Variants in POLR3F observed in about 807,000 individuals in gnomAD.
POLR3F encodes DNA-directed RNA polymerase III subunit RPC6.
A neutral mutation model predicts 43.6 loss-of-function variants in POLR3F; 31 were observed. That is an observed-to-expected ratio of 0.71 (90% confidence interval 0.53 to 0.96). The LOEUF is 0.96. Ranked by LOEUF, POLR3F falls within the 40% of genes least tolerant of loss-of-function variation. POLR3F has a pLI of 0.00. For missense variants in POLR3F, 316 were observed against 391.7 expected (o/e 0.81, Z 1.63); for synonymous variants, 114 against 132.5 (o/e 0.86, Z 0.96).
Position 18,475,082 on chromosome 20 carries a change from G to A in POLR3F, c.324G>A (p.Trp108Ter). 7.5e-7 allele frequency: 1 copy of A among 1,328,718 alleles called. No individual in the cohort carries two copies. The highest frequency in any genetic ancestry group is 2.0e-4 in the Middle Eastern group (1 of 5,002). The allele number at this position is 1,328,718 out of a possible 1,614,324, so 82.3% of individuals were successfully genotyped here. ...IIEDAGNKGI[W>*]SRDIRYKSNL... is the part of the protein sequence containing the mutation. ...TACTTTACTTTCTTATAGGAATATG[G>A]AGCAGAGATATCCGCTATAAAAGTA... is the stretch of plus-strand genomic sequence containing the variant. The change falls in exon 5 of 9, where the codon TGG becomes TGA. Residue 108 changes from tryptophan (W) to a stop codon, truncating the protein, a stop_gained. Coordinates refer to ENST00000377603, the MANE Select transcript of POLR3F (RefSeq NM_006466.4). LOFTEE classifies it high-confidence loss of function.
rs139416012 is a variant in POLR3F at position 18,484,511 on chromosome 20, C to T, written c.*953C>T. On this transcript the variant is annotated 3_prime_UTR_variant, in exon 9 of 9. Transcript: ENST00000377603. Reference sequence around the variant, plus strand: ...CAGAGAGCTCCATCACCCCTTCTGCCATGTGAAAGGGAGAAGACAAACATC... The same window carrying T: ...CAGAGAGCTCCATCACCCCTTCTGCTATGTGAAAGGGAGAAGACAAACATC... 1.7e-5 allele frequency: 3 copies of T among 178,030 alleles called. No individual in the cohort carries two copies. The East Asian group carries it at 4.1e-4, about 24-fold the overall frequency. 11.0% of individuals were successfully genotyped at this position (178,030 alleles called of 1,614,324 possible).
intron 2 of POLR3F, among the ~76,000 whole-genome samples, chr20:18,472,549 T>C (rs548692755): frequency 1.5e-3 from 232 of 151,580 alleles, no homozygotes; most frequent in Non-Finnish European, 2.9e-3. Context: ...TTATTTCAAC[T>C]TTTTATTTAT....
chr20:18,480,727 T>C (rs139456706), intron 7 of POLR3F, among the ~76,000 whole-genome samples: 1 of 152,174 alleles, frequency 6.6e-6, no homozygotes, highest in Non-Finnish European at 1.5e-5. Flanking sequence ...GGGACACTGA[T>C]GCTTTTTTTA....
chr20:18,484,185 T>G lies in POLR3F; in HGVS notation c.*627T>G. 1 of 398,584 alleles carries G rather than the reference T, an allele frequency of 2.5e-6. No homozygotes were observed. The highest frequency in any genetic ancestry group is 4.4e-6 in the Non-Finnish European group (1 of 226,040). 24.7% of individuals were successfully genotyped at this position (398,584 alleles called of 1,614,324 possible). A position where few individuals can be genotyped will look rare whatever the true frequency, so the allele number is the denominator to read the frequency against. ...CTTACTTCAAACCCAATGACTACTGTCAAGGACATATTTTCAGTACATAAA... is the reference window on the plus strand; with the variant it reads ...CTTACTTCAAACCCAATGACTACTGGCAAGGACATATTTTCAGTACATAAA... On this transcript the variant is annotated 3_prime_UTR_variant, in exon 9 of 9. Coordinates refer to ENST00000377603, the MANE Select transcript of POLR3F (RefSeq NM_006466.4).
chr20:18,468,447 A>C (rs2059718837), intron 1 of POLR3F, among the ~76,000 whole-genome samples: 3 of 152,128 alleles, frequency 2.0e-5, no homozygotes, highest in Admixed American at 2.0e-4. Context: ...ACTTTCTCAG[A>C]CTGTTAGGAA....
At chr20:18,480,214 C>T (rs765261045) in intron 6 of POLR3F, 33 bp downstream of exon 6, 1 of 1,570,384 alleles carries the variant, frequency 6.4e-7, no homozygotes, top group Non-Finnish European at 8.7e-7. Context: ...TCACTGCAAA[C>T]CCTCTTGTAA....
chr20:18,475,987 A>C (rs1314998618), intron 5 of POLR3F, among the ~76,000 whole-genome samples: 2 of 152,206 alleles, frequency 1.3e-5, no homozygotes, highest in Non-Finnish European at 2.9e-5. Flanking sequence ...AAATATATAC[A>C]AAGGTAGAAA....
intron 8 of POLR3F, among the ~76,000 whole-genome samples, chr20:18,483,104 G>A (rs1393733079): frequency 6.6e-6 from 1 of 151,188 alleles, no homozygotes; most frequent in East Asian, 1.9e-4. Context: ...TCTTGCTGTC[G>A]CCCAGGCTGG....
chr20:18,467,542 C>T lies in POLR3F; in HGVS notation c.36C>T (p.Asp12=), dbSNP rs2059699068. 1.2e-6 allele frequency: 2 copies of T among 1,614,240 alleles called. No individual in the cohort carries two copies. The highest frequency in any genetic ancestry group is 1.7e-5 in the Admixed American group (1 of 60,032). The part of the protein sequence containing the change: ...AEVKVKVQPP[D]ADPVEIENRI... ...TGAAGGTGAAGGTGCAGCCGCCTGA[C>T]GCGGATCCGGTCGAAATAGAAAACA... The change falls in exon 1 of 9, where the codon GAC becomes GAT. Residue 12 remains aspartate (D), a synonymous_variant. Transcript: ENST00000377603.
intron 2 of POLR3F, among the ~76,000 whole-genome samples, chr20:18,470,457 T>C (rs1425791181): frequency 1.3e-5 from 2 of 152,232 alleles, no homozygotes; most frequent in Non-Finnish European, 2.9e-5. Context: ...TGATGATACA[T>C]AAACAAATGG....
intron 2 of POLR3F, among the ~76,000 whole-genome samples, chr20:18,470,097 T>C (rs1039514617): frequency 1.3e-5 from 2 of 152,218 alleles, no homozygotes; most frequent in Non-Finnish European, 2.9e-5. Flanking sequence ...CACCAAGTGG[T>C]GCCGATGCTC....
In POLR3F at chr20:18,480,182, GT is replaced by G; in HGVS notation, c.573+2del. ...GTGTTTTAAATTCCTACAGTCCAAG[GT>G]GAGGTATGATTGAGGAAACATCACT... is the stretch of plus-strand genomic sequence containing the variant. On this transcript the variant is annotated splice_donor_variant, in intron 6 of 8. Coordinates refer to ENST00000377603, the MANE Select transcript of POLR3F (RefSeq NM_006466.4). LOFTEE classifies it high-confidence loss of function. 1 of 1,610,082 alleles carries G rather than the reference GT, an allele frequency of 6.2e-7. No homozygotes were observed. The highest frequency in any genetic ancestry group is 8.5e-7 in the Non-Finnish European group (1 of 1,177,434).
intron 8 of POLR3F, 50 bp downstream of exon 8, chr20:18,481,860 G>A (rs1308534941): frequency 8.5e-7 from 1 of 1,174,730 alleles, no homozygotes; most frequent in Non-Finnish European, 1.3e-6. Flanking sequence ...GGGTGCAAGT[G>A]CCACATTAAG....
In POLR3F at chr20:18,470,784, T is replaced by C. The variant is rs947723335; in HGVS notation, c.180+1723T>C. 3 of 152,770 alleles carry C rather than the reference T, an allele frequency of 2.0e-5. No individual in the cohort carries two copies. In the East Asian group the frequency reaches 5.8e-4, roughly 29 times the overall value. The allele number at this position is 152,770 out of a possible 1,614,324, so 9.5% of individuals were successfully genotyped here. On this transcript the variant is annotated intron_variant, in intron 2 of 8. Coordinates refer to ENST00000377603, the MANE Select transcript of POLR3F (RefSeq NM_006466.4). Reference sequence around the variant, plus strand: ...TTGGCTATAGGTTGTATGCAGGCAGTAGTAGAGCTATCAAAGGATATTAAG... The same window carrying C: ...TTGGCTATAGGTTGTATGCAGGCAGCAGTAGAGCTATCAAAGGATATTAAG...
rs747341552 is a variant in POLR3F, at chr20:18,481,768, C to T, written c.831C>T (p.Ile277=). The change falls in exon 8 of 9, where the codon ATC becomes ATT. Residue 277 remains isoleucine, a synonymous_variant. Coordinates refer to ENST00000377603, the MANE Select transcript of POLR3F (RefSeq NM_006466.4). ...TGTACAGGGCAGTCAATCCAATCAT[C>T]CCTCCCACAGGTTTGGTCCGGGCAC... ...MKLYRAVNPI[I]PPTGLVRAPC... is the part of the protein sequence containing the mutation. 8.1e-6 allele frequency: 13 copies of T among 1,613,734 alleles called. No homozygotes were observed. In the South Asian group the frequency reaches 1.3e-4, roughly 16 times the overall value.
intron 4 of POLR3F, among the ~76,000 whole-genome samples, chr20:18,474,680 G>C (rs183749875): frequency 6.6e-6 from 1 of 151,766 alleles, no homozygotes; most frequent in Admixed American, 6.6e-5. Flanking sequence ...CATCAGGCCC[G>C]GCTAATTATT....
chr20:18,470,981 C>G (rs1271760256), intron 2 of POLR3F, among the ~76,000 whole-genome samples: 1 of 152,196 alleles, frequency 6.6e-6, no homozygotes, highest in Non-Finnish European at 1.5e-5. Context: ...GTTTCCATGA[C>G]TCCATCTGTC....
In POLR3F at chr20:18,481,616, T is replaced by C; in HGVS notation, c.682-3T>C. 1 of 1,591,274 alleles carries C rather than the reference T, an allele frequency of 6.3e-7. No homozygotes were observed. Among genetic ancestry groups the C allele is most frequent in the Non-Finnish European group, 8.6e-7 (1 of 1,159,246 alleles). On this transcript the variant is annotated splice_polypyrimidine_tract_variant and splice_region_variant and intron_variant, in intron 7 of 8. Coordinates refer to ENST00000377603, the MANE Select transcript of POLR3F (RefSeq NM_006466.4). ...TGTCCTTTCTGATGTATCCCTTTTT[T>C]AGGTAGAGTTATCCATGGAAGACAT...
At position 18,467,440 on chromosome 20, in the gene POLR3F, G is replaced by A; in HGVS notation, c.-67G>A. The A allele has an allele frequency of 6.4e-7, 1 of 1,574,564 alleles. No homozygotes were observed. Among genetic ancestry groups the A allele is most frequent in the South Asian group, 1.1e-5 (1 of 90,212 alleles). On this transcript the variant is annotated 5_prime_UTR_variant, in exon 1 of 9. Coordinates refer to ENST00000377603, the MANE Select transcript of POLR3F (RefSeq NM_006466.4). The stretch of plus-strand genomic sequence containing the variant: ...AGCGCTATCCTCCACTGGTTCCCCG[G>A]GTTCCCCGGCTTGCTACCGGGCTGC...
Sources: allele counts gnomAD v4.1 joint callset (sites outside exome capture counted in the v4.1 genomes callset), GRCh38; gene constraint gnomAD v4.1.1; transcripts MANE v1.5; gene names NCBI Gene and HGNC (gene_info 2026-07-23, HGNC 2026-07-21).